The following ENOX1 variants were observed in gnomAD, a reference collection of about 807,000 sequenced individuals.
ENOX1 encodes the protein ecto-NOX disulfide-thiol exchanger 1.
Under a neutral mutation model 82.5 loss-of-function variants are expected in ENOX1, and 42 were observed. The ratio of observed to expected loss-of-function variants is 0.51; its 90% CI spans 0.40 to 0.66. The LOEUF is 0.66. Among genes scored for constraint, ENOX1 ranks in the 30% least tolerant of loss-of-function variants. The pLI is 0.00. For missense variants in ENOX1, 608 were observed against 811.6 expected (o/e 0.75, Z 3.05); for synonymous variants, 271 against 282.2 (o/e 0.96, Z 0.40).
At chr13:43,640,667 C>T (rs946011775) in intron 2 of ENOX1, among the ~76,000 whole-genome samples, 1 of 152,148 alleles carries the variant, frequency 6.6e-6, no homozygotes, top group Non-Finnish European at 1.5e-5. Flanking sequence ...GTCCCCTCCA[C>T]CTCCACCCAC....
intron 3 of ENOX1, among the ~76,000 whole-genome samples, chr13:43,475,155 A>G (rs2058227327): frequency 6.6e-6 from 1 of 152,184 alleles, no homozygotes; most frequent in Non-Finnish European, 1.5e-5. Flanking sequence ...GCTATTGATA[A>G]ATATCAAAAT....
At chr13:43,562,631 G>C (rs1165446596) in intron 2 of ENOX1, among the ~76,000 whole-genome samples, 1 of 152,052 alleles carries the variant, frequency 6.6e-6, no homozygotes, top group East Asian at 1.9e-4. Flanking sequence ...AAGCCCCAAT[G>C]ATCCACTGCC....
At chr13:43,664,468 T>C (rs2084881096) in intron 2 of ENOX1, among the ~76,000 whole-genome samples, 1 of 152,214 alleles carries the variant, frequency 6.6e-6, no homozygotes, top group Non-Finnish European at 1.5e-5. Context: ...TAGCACACAC[T>C]GTAGAGTACT....
At chr13:43,692,977 A>G (rs2086445720) in intron 1 of ENOX1, among the ~76,000 whole-genome samples, 3 of 152,150 alleles carry the variant, frequency 2.0e-5, no homozygotes, top group Admixed American at 2.0e-4. Flanking sequence ...ATCATGTACC[A>G]TCAAAATCAA....
intron 1 of ENOX1, among the ~76,000 whole-genome samples, chr13:43,673,257 C>A (rs1455091817): frequency 6.6e-6 from 1 of 151,746 alleles, no homozygotes; most frequent in Non-Finnish European, 1.5e-5. Flanking sequence ...ATCATGCTTA[C>A]AAAACAAGAT....
intron 12 of ENOX1, among the ~76,000 whole-genome samples, chr13:43,277,165 T>TAGA (rs2045091787): frequency 6.6e-6 from 1 of 152,236 alleles, no homozygotes; most frequent in Admixed American, 6.5e-5. Context: ...CATATTTAAT[T>TAGA]CCTTGGGTCT....
intron 3 of ENOX1, among the ~76,000 whole-genome samples, chr13:43,472,640 C>G (rs1172048761): frequency 2.6e-5 from 4 of 152,186 alleles, no homozygotes; most frequent in African/African-American, 4.8e-5. Context: ...CCTTCTCCAT[C>G]TGGTATTTAG....
At chr13:43,673,228 C>G (rs2085353248) in intron 1 of ENOX1, among the ~76,000 whole-genome samples, 1 of 151,486 alleles carries the variant, frequency 6.6e-6, no homozygotes, top group African/African-American at 2.4e-5. Flanking sequence ...CAAATTAGAA[C>G]TCAAGTTCAA....
intron 8 of ENOX1, among the ~76,000 whole-genome samples, chr13:43,353,801 T>C (rs774151122): frequency 1.2e-4 from 18 of 152,266 alleles, no homozygotes; most frequent in Non-Finnish European, 2.2e-4. Context: ...GATCACACAG[T>C]ACTTGGCAAA....
At chr13:43,569,698 C>T (rs1263577145) in intron 2 of ENOX1, among the ~76,000 whole-genome samples, 2 of 151,904 alleles carry the variant, frequency 1.3e-5, no homozygotes, top group East Asian at 3.9e-4. Flanking sequence ...CATCTGGTCC[C>T]TGCTGTTTTG....
At chr13:43,665,806 C>A (rs568650672) in intron 2 of ENOX1, among the ~76,000 whole-genome samples, 1 of 151,454 alleles carries the variant, frequency 6.6e-6, no homozygotes, top group African/African-American at 2.4e-5. Flanking sequence ...CAAATGCCAG[C>A]GTAATACCTG....
intron 1 of ENOX1, among the ~76,000 whole-genome samples, chr13:43,714,842 C>T (rs888891534): frequency 2.0e-5 from 3 of 152,152 alleles, no homozygotes; most frequent in African/African-American, 7.2e-5. Flanking sequence ...GAATAGCACA[C>T]TGATGGGTCT....
chr13:43,634,804 T>C (rs540564729), intron 2 of ENOX1, among the ~76,000 whole-genome samples: 4 of 152,238 alleles, frequency 2.6e-5, no homozygotes, highest in Non-Finnish European at 5.9e-5. Context: ...TATAAACATG[T>C]TCTTTTGTAA....
At chr13:43,393,852 T>C (rs1023642647) in intron 5 of ENOX1, among the ~76,000 whole-genome samples, 1 of 152,164 alleles carries the variant, frequency 6.6e-6, no homozygotes, top group Non-Finnish European at 1.5e-5. Flanking sequence ...AGGTGGGGCC[T>C]GGTGGGAGGT....
At chr13:43,718,291 C>T (rs536897886) in intron 1 of ENOX1, among the ~76,000 whole-genome samples, 2 of 152,130 alleles carry the variant, frequency 1.3e-5, no homozygotes, top group South Asian at 4.1e-4. Context: ...AAACCAAATA[C>T]AATATGATCT....
At chr13:43,630,441 A>G (rs1368495103) in intron 2 of ENOX1, among the ~76,000 whole-genome samples, 1 of 152,140 alleles carries the variant, frequency 6.6e-6, no homozygotes, top group African/African-American at 2.4e-5. Flanking sequence ...CTATCATTTA[A>G]GATAGAAATA....
intron 14 of ENOX1, among the ~76,000 whole-genome samples, chr13:43,246,319 AG>A (rs2043078666): frequency 6.6e-6 from 1 of 152,204 alleles, no homozygotes; most frequent in South Asian, 2.1e-4. Flanking sequence ...CCACTACACT[AG>A]GTTGCCGGTT....
chr13:43,731,251 TTGGC>T (rs1253750885), intron 1 of ENOX1, among the ~76,000 whole-genome samples: 1 of 152,176 alleles, frequency 6.6e-6, no homozygotes, highest in Non-Finnish European at 1.5e-5. Flanking sequence ...CTTCACTAAT[TTGGC>T]TGGCCTTTCC....
chr13:43,647,811 C>G lies in ENOX1; in HGVS notation c.-219+19668G>C, dbSNP rs145159140. Among the ~76,000 whole-genome samples the G allele has an allele frequency of 2.0e-5, 3 of 152,248 alleles. No individual in the cohort carries two copies. In the East Asian group the frequency reaches 5.8e-4, roughly 29 times the overall value. ...TAATGGCCTGGAGATGGGAGATTAT[C>G]CTGTATTTTCCAAGTAAACTCAATC... On this transcript the variant is annotated intron_variant, in intron 2 of 16. Transcript: ENST00000690772.
Sources: gnomAD v4.1 joint callset for allele counts (sites outside exome capture counted in the v4.1 genomes callset) on GRCh38, gnomAD v4.1.1 for gene constraint, MANE v1.5 for transcripts, NCBI Gene and HGNC (gene_info 2026-07-23, HGNC 2026-07-21) for gene names.